The following OFD1 variants were observed in gnomAD, a reference collection of about 807,000 sequenced individuals.
OFD1 encodes centriole and centriolar satellite protein OFD1.
OFD1 carries 12 observed loss-of-function variants against 81.4 expected under a neutral mutation model. That is an observed-to-expected ratio of 0.15 (90% CI 0.09 to 0.24). OFD1 has a LOEUF of 0.24. Among genes scored for constraint, OFD1 ranks in the 10% least tolerant of loss-of-function variants. The probability of loss-of-function intolerance (pLI) is 1.00; values close to 1 mark genes in which losing one functional copy is unlikely to be tolerated. For synonymous variants in OFD1, 256 were observed against 263.7 expected, an observed-to-expected ratio of 0.97 and a Z score of 0.28; for missense variants, 685 against 733.9, an observed-to-expected ratio of 0.93 and a Z score of 0.77.
intron 19 of OFD1, among the ~76,000 whole-genome samples, chrX:13,766,113 G>T (rs1351773111): frequency 8.9e-6 from 1 of 112,249 alleles, no homozygotes; most frequent in African/African-American, 3.2e-5. Flanking sequence ...TGGTGGTGAT[G>T]TAGGAAATCA....
chrX:13,756,255 T>C (rs1180684555), intron 12 of OFD1, among the ~76,000 whole-genome samples: 1 of 111,829 alleles, frequency 8.9e-6, no homozygotes, highest in East Asian at 2.8e-4. Flanking sequence ...TGCTCAGCCA[T>C]TTTTATCTTA....
intron 18 of OFD1, among the ~76,000 whole-genome samples, chrX:13,762,696 T>C (rs777471424): frequency 1.2e-4 from 14 of 112,909 alleles, no homozygotes; most frequent in Admixed American, 1.1e-3. Flanking sequence ...AAATGAATTA[T>C]TAACTTATCA....
chrX:13,716,089 T>C, the OFD1 span: 1 of 1,185,460 alleles, frequency 8.4e-7, no homozygotes, highest in African/African-American at 1.8e-5. Flanking sequence ...AAACCTCATA[T>C]GTGAAATAAT....
downstream of OFD1, among the ~76,000 whole-genome samples, chrX:13,769,642 A>ATTCT (rs1256012521): frequency 1.1e-4 from 10 of 92,319 alleles, no homozygotes; most frequent in African/African-American, 3.6e-4. Flanking sequence ...TTGGAATTTA[A>ATTCT]ACCCCCCCGT....
rs1170648405 is a variant in OFD1 at position 13,736,463 on chromosome X, T to A, written c.112-15T>A. The A allele has an allele frequency of 8.3e-7, 1 of 1,207,118 alleles. No homozygotes were observed. On this transcript the variant is annotated splice_polypyrimidine_tract_variant and intron_variant, in intron 2 of 22. Transcript: ENST00000340096. ...CTTGTGTTTCTTTTTTATTTTTGTTTTTATTTTATGCTAGACACAACTTCG... is the reference window on the plus strand; with the variant it reads ...CTTGTGTTTCTTTTTTATTTTTGTTATTATTTTATGCTAGACACAACTTCG...
chrX:13,748,155 A>G (rs2047365952), intron 8 of OFD1, among the ~76,000 whole-genome samples: 1 of 112,433 alleles, frequency 8.9e-6, no homozygotes, highest in Non-Finnish European at 1.9e-5. Context: ...TGCTTCAGCT[A>G]TAAAAATGAA....
intron 5 of OFD1, among the ~76,000 whole-genome samples, chrX:13,742,571 T>G (rs1424865003): frequency 8.9e-6 from 1 of 112,253 alleles, no homozygotes; most frequent in South Asian, 3.7e-4. Context: ...CCACCCAGGC[T>G]GGAGTGCAGT....
chrX:13,754,343 A>C (rs1247778833), intron 11 of OFD1, among the ~76,000 whole-genome samples: 1 of 110,961 alleles, frequency 9.0e-6, no homozygotes, highest in African/African-American at 3.3e-5. Flanking sequence ...GGAAATTTCA[A>C]GTAGATTCCT....
chrX:13,765,301 T>C (rs1202081664), intron 19 of OFD1, among the ~76,000 whole-genome samples: 2 of 111,028 alleles, frequency 1.8e-5, no homozygotes, highest in African/African-American at 3.3e-5. Context: ...AGCTACAAAA[T>C]ATACACCAGA....
chrX:13,748,622 C>G (rs1358898846), intron 8 of OFD1, among the ~76,000 whole-genome samples: 1 of 111,714 alleles, frequency 9.0e-6, no homozygotes, highest in South Asian at 3.7e-4. Flanking sequence ...TTAGTAAATT[C>G]TTTCTCTGTG....
downstream of OFD1, chrX:13,773,158 T>TA (rs2048332022): frequency 2.0e-6 from 1 of 507,416 alleles, no homozygotes; most frequent in African/African-American, 2.3e-5. Context: ...ATACTCGCTC[T>TA]ACTAGCAGAG....
intron 17 of OFD1, among the ~76,000 whole-genome samples, chrX:13,761,904 C>CTTTTTTTTT (rs747167069): frequency 1.5e-5 from 1 of 68,959 alleles, no homozygotes; most frequent in African/African-American, 5.9e-5. Context: ...AGTCCTAAAG[C>CTTTTTTTTT]TTTTTTTTTT....
chrX:13,772,157 G>C (rs1310224254), downstream of OFD1: 1 of 112,471 alleles, frequency 8.9e-6, no homozygotes, highest in Non-Finnish European at 1.9e-5. Context: ...ATGAAAATTG[G>C]ATCAGTATTT....
intron 18 of OFD1, 62 bp from the exon 19 acceptor site, chrX:13,763,683 A>C: frequency 1.1e-6 from 1 of 932,291 alleles, no homozygotes; most frequent in South Asian, 1.9e-5. Flanking sequence ...CCCACACTGC[A>C]CTGCCCTTCT....
chrX:13,752,794 G>T (rs1167120887), intron 10 of OFD1: 1 of 970,834 alleles, frequency 1.0e-6, no homozygotes, highest in Non-Finnish European at 1.3e-6. Flanking sequence ...CGCCACAGGA[G>T]TGCTTCTATT....
At chrX:13,714,521 G>C in the OFD1 span, 7 of 942,118 alleles carry the variant, frequency 7.4e-6, no homozygotes, top group Non-Finnish European at 1.0e-5. Context: ...AAAGAAGAAA[G>C]TATTAGTGAA....
intron 5 of OFD1, among the ~76,000 whole-genome samples, chrX:13,741,385 A>G (rs929620353): frequency 9.8e-5 from 11 of 111,996 alleles, no homozygotes; most frequent in African/African-American, 3.3e-4. Flanking sequence ...AAGTAACAGA[A>G]AACATGTAGG....
intron 19 of OFD1, among the ~76,000 whole-genome samples, chrX:13,764,360 A>G (rs746875540): frequency 6.2e-5 from 7 of 112,354 alleles, no homozygotes; most frequent in Non-Finnish European, 1.1e-4. Context: ...TCGTATTTCA[A>G]TCTTTGGAAA....
chrX:13,740,166 A>G (rs1439011174), intron 5 of OFD1: 2 of 970,635 alleles, frequency 2.1e-6, no homozygotes, highest in Non-Finnish European at 2.6e-6. Context: ...AGCACAAGAT[A>G]TTCTGGACTG....
Sources: gnomAD v4.1 joint callset for allele counts (sites outside exome capture counted in the v4.1 genomes callset) on GRCh38, gnomAD v4.1.1 for gene constraint, MANE v1.5 for transcripts, NCBI Gene and HGNC (gene_info 2026-07-23, HGNC 2026-07-21) for gene names.